The following PFKFB3 variants were observed in gnomAD, a reference collection of about 807,000 sequenced individuals.
The protein encoded by PFKFB3 is 6-phosphofructo-2-kinase/fructose-2,6-bisphosphatase 3.
A neutral mutation model predicts 68.0 loss-of-function variants in PFKFB3; 33 were observed. The observed-to-expected ratio is 0.49, with a 90% CI of 0.37 to 0.65. The LOEUF (loss-of-function observed/expected upper bound fraction) is 0.65, where lower values mean the gene tolerates loss of function less well. Ranked by LOEUF, PFKFB3 falls within the 30% of genes least tolerant of loss-of-function variation. The probability of loss-of-function intolerance (pLI) is 0.00; values close to 1 mark genes in which losing one functional copy is unlikely to be tolerated. For missense variants in PFKFB3, 586 were observed against 712.2 expected (o/e 0.82, Z 2.02); for synonymous variants, 315 against 288.2 (o/e 1.09, Z -0.94).
intron 4 of PFKFB3, 81 bp downstream of exon 4, chr10:6,216,272 CTG>C: frequency 7.7e-7 from 1 of 1,304,502 alleles, no homozygotes. Flanking sequence ...GTACCGAGAC[CTG>C]TGCCTCTGGC....
the PFKFB3 span, among the ~76,000 whole-genome samples, chr10:6,324,492 T>C: frequency 6.6e-6 from 1 of 152,226 alleles, no homozygotes; most frequent in Admixed American, 6.5e-5. Flanking sequence ...AGTGGCGTGA[T>C]CTCGGCTCAC....
chr10:6,148,214 A>G (rs1841459306), intron 1 of PFKFB3, among the ~76,000 whole-genome samples: 1 of 152,186 alleles, frequency 6.6e-6, no homozygotes, highest in African/African-American at 2.4e-5. Context: ...AGGAAGCCCC[A>G]CCTGAGGAGG....
intron 9 of PFKFB3, 28 bp from the exon 10 acceptor site, chr10:6,221,613 C>T: frequency 1.2e-6 from 2 of 1,608,928 alleles, no homozygotes; most frequent in Non-Finnish European, 1.7e-6. Flanking sequence ...GTGGTTTGTT[C>T]CCCTGAGTGA....
At chr10:6,250,440 G>A (rs1846354967) in intron 14 of PFKFB3, among the ~76,000 whole-genome samples, 2 of 151,984 alleles carry the variant, frequency 1.3e-5, no homozygotes, top group Admixed American at 6.6e-5. Context: ...GCATGGTGGC[G>A]GGCGCCTGTA....
chr10:6,227,728 T>C (rs1200721893), intron 14 of PFKFB3, among the ~76,000 whole-genome samples: 1 of 152,162 alleles, frequency 6.6e-6, no homozygotes, highest in East Asian at 1.9e-4. Flanking sequence ...ATTGCCCAGG[T>C]TCCTTCCCCT....
chr10:6,168,205 A>T (rs535678152), intron 1 of PFKFB3, among the ~76,000 whole-genome samples: 1 of 152,190 alleles, frequency 6.6e-6, no homozygotes, highest in Non-Finnish European at 1.5e-5. Context: ...CTGGTGGAAG[A>T]TCATGAGGTA....
chr10:6,313,398 G>T, the PFKFB3 span, among the ~76,000 whole-genome samples: 1 of 152,056 alleles, frequency 6.6e-6, no homozygotes, highest in African/African-American at 2.4e-5. This position sits in a 1 kb window ranked among gnomAD's most constrained non-coding sequence, Gnocchi z 4.2. Context: ...TGTTAAAAAC[G>T]ACCTGCCCCA....
rs759672045 is a variant in PFKFB3, at chr10:6,222,906, C to T, written c.1135C>T (p.Arg379Trp). 2.5e-6 allele frequency: 4 copies of T among 1,613,852 alleles called. No homozygotes were observed. Among genetic ancestry groups the T allele is most frequent in the Non-Finnish European group, 3.4e-6 (4 of 1,179,876 alleles). The change falls in exon 11 of 15, where the codon CGG (arginine) becomes TGG (tryptophan). Residue 379 changes from arginine (R) to tryptophan (W), a missense_variant. Physicochemically the swap from Arg to Trp is moderately radical, Grantham distance 101. Transcript: ENST00000379775. ...GGAGCCAGTGATCATGGAGCTGGAG[C>T]GGCAGGAGAATGTGCTGGTCATCTG... ...RLEPVIMELERQENVLVICHQ... is the reference protein window; with the variant it reads ...RLEPVIMELEWQENVLVICHQ...
At chr10:6,170,738 G>A (rs1223687376) in intron 1 of PFKFB3, among the ~76,000 whole-genome samples, 1 of 152,178 alleles carries the variant, frequency 6.6e-6, no homozygotes, top group Non-Finnish European at 1.5e-5. Flanking sequence ...GGAGGTGGAG[G>A]CGGTGGCTGA....
chr10:6,270,538 C>T, the PFKFB3 span, among the ~76,000 whole-genome samples: 2 of 152,152 alleles, frequency 1.3e-5, no homozygotes, highest in Admixed American at 6.5e-5. Context: ...CTACACTCCT[C>T]GGCCACAGAG....
the PFKFB3 span, among the ~76,000 whole-genome samples, chr10:6,282,128 C>T: frequency 2.2e-4 from 33 of 152,114 alleles, 1 homozygote; most frequent in Admixed American, 1.2e-3. Context: ...CACCACCATG[C>T]CCGGCTGAAT....
chr10:6,221,784 A>G (rs757557850), intron 10 of PFKFB3, 39 bp downstream of exon 10: 118 of 1,370,806 alleles, frequency 8.6e-5, no homozygotes, highest in Non-Finnish European at 1.0e-4. Context: ...TCCCCAGCAC[A>G]CATGACCACT....
At chr10:6,202,211 C>T (rs1407513188), upstream of PFKFB3, among the ~76,000 whole-genome samples, 1 of 152,234 alleles carries the variant, frequency 6.6e-6, no homozygotes, top group Non-Finnish European at 1.5e-5. Context: ...GGCTTTCCCG[C>T]CCCCTCCTCG....
At chr10:6,165,256 C>T (rs907046330) in intron 1 of PFKFB3, among the ~76,000 whole-genome samples, 4 of 152,222 alleles carry the variant, frequency 2.6e-5, no homozygotes, top group Admixed American at 2.0e-4. Flanking sequence ...GTTAACAAGG[C>T]ACATCCTGCA....
At chr10:6,166,049 G>A (rs952457415) in intron 1 of PFKFB3, among the ~76,000 whole-genome samples, 1 of 146,730 alleles carries the variant, frequency 6.8e-6, no homozygotes, top group Non-Finnish European at 1.5e-5. Flanking sequence ...GCACGATCCC[G>A]GCTCACTGCA....
chr10:6,179,591 CG>C (rs965670200), intron 1 of PFKFB3, among the ~76,000 whole-genome samples: 2 of 152,030 alleles, frequency 1.3e-5, no homozygotes, highest in African/African-American at 4.8e-5. Context: ...TGGGGGTCGT[CG>C]AAGGACGGGT....
the PFKFB3 span, among the ~76,000 whole-genome samples, chr10:6,270,746 C>G: frequency 6.6e-6 from 1 of 152,192 alleles, no homozygotes; most frequent in Non-Finnish European, 1.5e-5. Context: ...GGACCACATG[C>G]CTCCTTTGTA....
chr10:6,177,534 T>C (rs1344948647), intron 1 of PFKFB3, among the ~76,000 whole-genome samples: 1 of 149,806 alleles, frequency 6.7e-6, no homozygotes, highest in African/African-American at 2.5e-5. Context: ...CTTTTTCTTT[T>C]TTTTTTTTGA....
At chr10:6,273,259 A>C in the PFKFB3 span, among the ~76,000 whole-genome samples, 1 of 151,922 alleles carries the variant, frequency 6.6e-6, no homozygotes, top group Admixed American at 6.6e-5. Context: ...GTGAAATTAG[A>C]GATGTGACTA....
Sources: gnomAD v4.1 joint callset for allele counts (sites outside exome capture counted in the v4.1 genomes callset) on GRCh38, gnomAD v4.1.1 for gene constraint, Gnocchi (gnomAD v3.1) non-coding constraint, MANE v1.5 for transcripts, NCBI Gene and HGNC (gene_info 2026-07-23, HGNC 2026-07-21) for gene names.